IL10RA: variants seen among roughly 807,000 people sequenced by gnomAD.
The protein encoded by IL10RA is interleukin 10 receptor subunit alpha.
In IL10RA, 18 loss-of-function variants were observed where a neutral mutation model predicts 29.6. The ratio of observed to expected loss-of-function variants is 0.61; its 90% confidence interval spans 0.42 to 0.90. The LOEUF (loss-of-function observed/expected upper bound fraction) is 0.90, where lower values mean the gene tolerates loss of function less well. Ranked by LOEUF, IL10RA falls within the 40% of genes least tolerant of loss-of-function variation. The pLI is 0.00. For missense variants in IL10RA, 634 were observed against 716.6 expected, an observed-to-expected ratio of 0.88 and a Z score of 1.32; for synonymous variants, 292 against 294.1, an observed-to-expected ratio of 0.99 and a Z score of 0.07.
intron 3 of IL10RA, among the ~76,000 whole-genome samples, chr11:117,991,906 T>C (rs1035785447): frequency 2.0e-5 from 3 of 152,160 alleles, no homozygotes; most frequent in Non-Finnish European, 2.9e-5. Flanking sequence ...GGCTAATTTT[T>C]GTATTTTTAA....
rs1442358692 is a variant in IL10RA at position 117,989,990 on chromosome 11, C to G, written c.367+370C>G. 2.0e-5 allele frequency among the ~76,000 whole-genome samples: 3 copies of G among 152,060 alleles called. No homozygotes were observed. The South Asian group carries it at 6.2e-4, about 32-fold the overall frequency. The stretch of plus-strand genomic sequence containing the variant: ...CAGTAGGCAGAATTTGGGTGAACGC[C>G]CCGCTTCTTTAGGGGTGAACACCCA... On this transcript the variant is annotated intron_variant, in intron 3 of 6. Coordinates refer to ENST00000227752, the MANE Select transcript of IL10RA (RefSeq NM_001558.4). The surrounding 1 kb of genome is among the most constrained non-coding windows in gnomAD (Gnocchi z 4.5).
In IL10RA at chr11:117,998,894, T is replaced by C. The variant is rs1325575222; in HGVS notation, c.990T>C (p.Thr330=). The change falls in exon 7 of 7, where the codon ACT becomes ACC. Residue 330 remains threonine, a synonymous_variant. Coordinates refer to ENST00000227752, the MANE Select transcript of IL10RA (RefSeq NM_001558.4). ...GFGSTKPSLQ[T]EEPQFLLPDP... ...GCAGCACCAAGCCATCCCTGCAGAC[T>C]GAAGAGCCCCAGTTCCTCCTCCCTG... is the stretch of plus-strand genomic sequence containing the variant. 1.9e-6 allele frequency: 3 copies of C among 1,614,180 alleles called. No individual in the cohort carries two copies. The highest frequency in any genetic ancestry group is 2.2e-5 in the South Asian group (2 of 91,084).
Position 117,998,996 on chromosome 11 carries a change from C to A in IL10RA, c.1092C>A (p.Ser364Arg). The change falls in exon 7 of 7, where the codon AGC (serine) becomes AGA (arginine). Residue 364 changes from serine (S) to arginine (R), a missense_variant. Physicochemically the swap from Ser to Arg is moderately radical, Grantham distance 110 (BLOSUM62 -1). Coordinates refer to ENST00000227752, the MANE Select transcript of IL10RA (RefSeq NM_001558.4). The stretch of plus-strand genomic sequence containing the variant: ...TGGGGGACAGCTGCAGTAGTGGCAG[C>A]AGCAATAGCACAGACAGCGGGATCT... Reference protein sequence around the residue: ...PVLGDSCSSGSSNSTDSGICL... With the variant: ...PVLGDSCSSGRSNSTDSGICL... 1 of 1,613,318 alleles carries A rather than the reference C, an allele frequency of 6.2e-7. No individual in the cohort carries two copies. The highest frequency in any genetic ancestry group is 2.2e-5 in the East Asian group (1 of 44,862).
At position 118,000,364 on chromosome 11, in the gene IL10RA, C is replaced by A; in HGVS notation, c.*723C>A. ...CCCATCTGCAAATATCTCCCTCTCT[C>A]CAACAAATGGAGTAGCATCCCCCTG... is the stretch of plus-strand genomic sequence containing the variant. On this transcript the variant is annotated 3_prime_UTR_variant, in exon 7 of 7. Transcript: ENST00000227752. 1 of 454,250 alleles carries A rather than the reference C, an allele frequency of 2.2e-6. No homozygotes were observed. Among genetic ancestry groups the A allele is most frequent in the South Asian group, 1.6e-5 (1 of 64,470 alleles). 28.1% of individuals were successfully genotyped at this position (454,250 alleles called of 1,614,324 possible). A position where few individuals can be genotyped will look rare whatever the true frequency, so the allele number is the denominator to read the frequency against.
intron 3 of IL10RA, 68 bp from the exon 4 acceptor site, chr11:117,993,173 C>G (rs4252307): frequency 0.065 from 92,674 of 1,426,418 alleles, 5,604 homozygotes; most frequent in East Asian, 0.37. Context: ...AAAGTCTCGG[C>G]GGGGACACCC....
intron 1 of IL10RA, chr11:117,987,599 G>A (rs1348115193): frequency 6.5e-6 from 1 of 153,792 alleles, no homozygotes; most frequent in Non-Finnish European, 1.4e-5. Flanking sequence ...GACTCTTAAA[G>A]TAGAAATGTT....
chr11:117,991,813 C>A (rs1208833292), intron 3 of IL10RA, among the ~76,000 whole-genome samples: 2 of 152,220 alleles, frequency 1.3e-5, no homozygotes, highest in East Asian at 3.9e-4. Context: ...CATCTCACTT[C>A]AACCTCCGCC....
chr11:117,990,267 G>C (rs2058012934), intron 3 of IL10RA, among the ~76,000 whole-genome samples: 1 of 152,126 alleles, frequency 6.6e-6, no homozygotes, highest in Non-Finnish European at 1.5e-5. Context: ...ACGTTTCCCA[G>C]CAAGTGTGTT....
intron 1 of IL10RA, chr11:117,986,903 C>A: frequency 8.3e-7 from 1 of 1,209,762 alleles, no homozygotes; most frequent in Non-Finnish European, 1.1e-6. Flanking sequence ...CCTGACTCTC[C>A]CTTCTCTTAG....
At position 117,998,961 on chromosome 11, in the gene IL10RA, C is replaced by T. The variant is rs35235073; in HGVS notation, c.1057C>T (p.Pro353Ser). The part of the protein sequence containing the change: ...QADRTLGNRE[P>S]PVLGDSCSSG... ...TGACAGAACGCTGGGAAACAGGGAG[C>T]CCCCTGTGCTGGGGGACAGCTGCAG... The change falls in exon 7 of 7, where the codon CCC becomes TCC. Residue 353 changes from proline to serine, a missense_variant. Coordinates refer to ENST00000227752, the MANE Select transcript of IL10RA (RefSeq NM_001558.4). 1.0e-4 allele frequency: 165 copies of T among 1,612,772 alleles called. 1 individual carries two copies. Among genetic ancestry groups the T allele is most frequent in the Middle Eastern group, 6.6e-4 (4 of 6,054 alleles).
intron 1 of IL10RA, 62 bp from the exon 2 acceptor site, chr11:117,988,320 A>G: frequency 6.2e-7 from 1 of 1,609,168 alleles, no homozygotes; most frequent in Middle Eastern, 1.9e-4. Flanking sequence ...TTCTTTGGTA[A>G]AATTGGGGTC....
intron 2 of IL10RA, among the ~76,000 whole-genome samples, chr11:117,988,980 C>T (rs36064488): frequency 0.013 from 1,971 of 152,296 alleles, 26 homozygotes; most frequent in Non-Finnish European, 0.02. Context: ...AGGCTGGTCT[C>T]GAACTCCTGA....
At chr11:118,001,710 G>A (rs549164143), downstream of IL10RA, 4 of 281,906 alleles carry the variant, frequency 1.4e-5, no homozygotes, top group East Asian at 8.7e-5. Flanking sequence ...CACCTGTCAC[G>A]TGGAGTTGAC....
At position 117,994,324 on chromosome 11, in the gene IL10RA, A is replaced by G. The variant is rs1196903367; in HGVS notation, c.688+175A>G. 4 of 610,376 alleles carry G rather than the reference A, an allele frequency of 6.6e-6. No individual in the cohort carries two copies. In the African/African-American group the frequency reaches 7.4e-5, roughly 11 times the overall value. 37.8% of individuals were successfully genotyped at this position (610,376 alleles called of 1,614,324 possible). A position where few individuals can be genotyped will look rare whatever the true frequency, so the allele number is the denominator to read the frequency against. On this transcript the variant is annotated intron_variant, in intron 5 of 6. Transcript: ENST00000227752. ...CTGTCCTCATTTTAGAGATGAGGGA[A>G]CTGAGGCTCAGTATTAGCAACTTCC...
At position 117,993,367 on chromosome 11, in the gene IL10RA, G is replaced by A. The variant is rs1358894679; in HGVS notation, c.494G>A (p.Arg165Gln). Residue 165 changes from arginine (R) to glutamine (Q), a missense_variant, in exon 4 of 7, where the codon CGA (arginine) becomes CAA (glutamine). Transcript: ENST00000227752. ...DTYESIFSHF[R>Q]EYEIAIRKVP... ...TATGAAAGCATCTTCAGTCACTTCC[G>A]AGAGTATGAGATTGCCATTCGCAAG... The A allele has an allele frequency of 8.1e-6, 13 of 1,614,106 alleles. No individual in the cohort carries two copies. Among genetic ancestry groups the A allele is most frequent in the Non-Finnish European group, 1.0e-5 (12 of 1,180,026 alleles).
chr11:117,995,969 C>G (rs543022353), intron 6 of IL10RA, among the ~76,000 whole-genome samples: 1 of 152,248 alleles, frequency 6.6e-6, no homozygotes, highest in East Asian at 1.9e-4. Context: ...TGACCACGAG[C>G]CATTTTGATA....
chr11:117,988,406 C>G lies in IL10RA; in HGVS notation c.92C>G (p.Ser31Cys), dbSNP rs201436588. ...GGGACAGAGCTGCCCAGCCCTCCGT[C>G]TGTGTGGTTTGAAGCAGAATTTTTC... ...AHGTELPSPP[S>C]VWFEAEFFHH... Residue 31 changes from serine (S) to cysteine (C), a missense_variant, in exon 2 of 7, where the codon TCT becomes TGT. Ser to Cys is a moderately radical substitution (Grantham distance 112). Coordinates refer to ENST00000227752, the MANE Select transcript of IL10RA (RefSeq NM_001558.4). 1.2e-6 allele frequency: 2 copies of G among 1,614,196 alleles called. No homozygotes were observed. The highest frequency in any genetic ancestry group is 4.5e-5 in the East Asian group (2 of 44,886).
intron 4 of IL10RA, 97 bp from the exon 5 acceptor site, chr11:117,993,902 G>C: frequency 1.0e-6 from 1 of 956,242 alleles, no homozygotes; most frequent in Admixed American, 1.9e-5. Context: ...ATACTGAAGG[G>C]GGTTGGCTGA....
In IL10RA at chr11:117,988,417, G is replaced by A; in HGVS notation, c.103G>A (p.Glu35Lys). The A allele has an allele frequency of 6.2e-7, 1 of 1,614,168 alleles. No homozygotes were observed. Among genetic ancestry groups the A allele is most frequent in the Non-Finnish European group, 8.5e-7 (1 of 1,180,024 alleles). ...GCCCAGCCCTCCGTCTGTGTGGTTT[G>A]AAGCAGAATTTTTCCACCACATCCT... ...ELPSPPSVWF[E>K]AEFFHHILHW... The change falls in exon 2 of 7, where the codon GAA becomes AAA. Residue 35 changes from glutamate to lysine, a missense_variant. Glu to Lys is a moderately conservative substitution (Grantham distance 56). Transcript: ENST00000227752.
Sources: gnomAD v4.1 joint callset for allele counts (sites outside exome capture counted in the v4.1 genomes callset) on GRCh38, gnomAD v4.1.1 for gene constraint, Gnocchi (gnomAD v3.1) non-coding constraint, MANE v1.5 for transcripts, NCBI Gene and HGNC (gene_info 2026-07-23, HGNC 2026-07-21) for gene names.